DZIP1: variants seen among roughly 807,000 people sequenced by gnomAD.
DZIP1 encodes the protein cilium assembly protein DZIP1.
A neutral mutation model predicts 107.6 loss-of-function variants in DZIP1; 97 were observed. That is an observed-to-expected ratio of 0.90 (90% CI 0.77 to 1.07). The LOEUF is 1.07. Among genes scored for constraint, DZIP1 ranks in the 50% least tolerant of loss-of-function variants. The pLI is 0.00. For synonymous variants in DZIP1, 390 were observed against 386.4 expected (o/e 1.01, Z -0.11); for missense variants, 1,035 against 1,063.6 (o/e 0.97, Z 0.37).
Position 95,586,155 on chromosome 13 carries a change from T to C in DZIP1, c.2219-19A>G. ...GCGACTCCTATAAGATCAATAAAAA[T>C]TAGGCAAGTTAAGTATTTAAAAATT... is the stretch of plus-strand genomic sequence containing the variant. On this transcript the variant is annotated intron_variant, in intron 20 of 22. Coordinates refer to ENST00000376829, the MANE Select transcript of DZIP1 (RefSeq NM_198968.4). 6.4e-7 allele frequency: 1 copy of C among 1,571,212 alleles called. No homozygotes were observed. The highest frequency in any genetic ancestry group is 1.2e-5 in the South Asian group (1 of 83,354).
intron 5 of DZIP1, among the ~76,000 whole-genome samples, chr13:95,639,695 T>C (rs1878260277): frequency 6.6e-6 from 1 of 151,196 alleles, no homozygotes; most frequent in African/African-American, 2.4e-5. Flanking sequence ...AAAAAGTTTA[T>C]AAACATACAA....
At chr13:95,605,621 T>C (rs1420177133) in intron 14 of DZIP1, among the ~76,000 whole-genome samples, 1 of 152,212 alleles carries the variant, frequency 6.6e-6, no homozygotes, top group Non-Finnish European at 1.5e-5. Context: ...CATTGAAAGT[T>C]ATAAAAACAA....
intron 11 of DZIP1, 44 bp downstream of exon 11, chr13:95,611,993 G>T: frequency 6.2e-7 from 1 of 1,601,042 alleles, no homozygotes; most frequent in Non-Finnish European, 8.5e-7. Context: ...TAGATAGACT[G>T]CGTTGCTTAA....
At chr13:95,584,361 C>T (rs893203109) in intron 22 of DZIP1, among the ~76,000 whole-genome samples, 1 of 151,462 alleles carries the variant, frequency 6.6e-6, no homozygotes, top group African/African-American at 2.4e-5. Context: ...TCTGGGAGGC[C>T]GAAGTGGGAG....
chr13:95,612,069 G>A lies in DZIP1; in HGVS notation c.1282C>T (p.Gln428Ter). The A allele has an allele frequency of 6.2e-7, 1 of 1,613,720 alleles. No individual in the cohort carries two copies. Among genetic ancestry groups the A allele is most frequent in the East Asian group, 2.2e-5 (1 of 44,882 alleles). Residue 428 changes from glutamine to a stop codon, truncating the protein, a stop_gained, in exon 11 of 23, where the codon CAG becomes TAG. Transcript: ENST00000376829. LOFTEE classifies it high-confidence loss of function. ...CTCTGAGTTATAATCAGCTCATTCT[G>A]CTCCTGGAGTCTCTGCCCTAGCTCT... Reference protein sequence around the residue: ...IEELGQRLQEQNELIITQRQQ... With the variant: ...IEELGQRLQE
intron 8 of DZIP1, 38 bp downstream of exon 8, chr13:95,624,730 C>T (rs374298746): frequency 5.2e-6 from 8 of 1,552,628 alleles, no homozygotes; most frequent in African/African-American, 4.1e-5. Context: ...CCTCTCAAGG[C>T]AATCAATACC....
In DZIP1 at chr13:95,582,045, A is replaced by G. The variant is rs2044021464; in HGVS notation, c.*189T>C. On this transcript the variant is annotated 3_prime_UTR_variant, in exon 23 of 23. Coordinates refer to ENST00000376829, the MANE Select transcript of DZIP1 (RefSeq NM_198968.4). ...TAAACACCTTTACATGCTTCGAAAT[A>G]CTGTTGATGATCTGATTTTCAATAC... The G allele has an allele frequency of 1.8e-6, 1 of 545,652 alleles. No individual in the cohort carries two copies. The highest frequency in any genetic ancestry group is 3.2e-6 in the Non-Finnish European group (1 of 308,438). The allele number at this position is 545,652 out of a possible 1,614,324, so 33.8% of individuals were successfully genotyped here. A position where few individuals can be genotyped will look rare whatever the true frequency, so the allele number is the denominator to read the frequency against.
At position 95,586,047 on chromosome 13, in the gene DZIP1, G is replaced by A. The variant is rs767706909; in HGVS notation, c.2308C>T (p.Pro770Ser). 39 of 1,607,824 alleles carry A rather than the reference G, an allele frequency of 2.4e-5. No homozygotes were observed. The Admixed American group carries it at 6.6e-4, about 27-fold the overall frequency. ...TCTTCTTTTTTGATAAACATCTCAG[G>A]GACATTAGTTCCACCGACTGGTTTG... is the stretch of plus-strand genomic sequence containing the variant. ...VNKPVGGTNV[P>S]EMFIKKEELQ... The change falls in exon 21 of 23, where the codon CCT becomes TCT. Residue 770 changes from proline (P) to serine (S), a missense_variant. Physicochemically the swap from Pro to Ser is moderately conservative, Grantham distance 74. Transcript: ENST00000376829.
chr13:95,592,824 T>C (rs931573411), intron 16 of DZIP1, among the ~76,000 whole-genome samples: 1 of 152,156 alleles, frequency 6.6e-6, no homozygotes, highest in Non-Finnish European at 1.5e-5. Flanking sequence ...AAACAACAGG[T>C]ATGAATCATA....
In DZIP1 at chr13:95,641,226, G is replaced by T; in HGVS notation, c.597+69C>A. ...TTAAGAAGAAAGAGTGGTGATACGG[G>T]ACAGGCCTATCAAATGGGAACTGAG... On this transcript the variant is annotated intron_variant, in intron 5 of 22. Coordinates refer to ENST00000376829, the MANE Select transcript of DZIP1 (RefSeq NM_198968.4). The surrounding 1 kb of genome is among the most constrained non-coding windows in gnomAD (Gnocchi z 4.3). The T allele has an allele frequency of 6.6e-7, 1 of 1,511,924 alleles. No homozygotes were observed. The highest frequency in any genetic ancestry group is 1.3e-5 in the South Asian group (1 of 75,424). 93.7% of individuals were successfully genotyped at this position (1,511,924 alleles called of 1,614,324 possible). A position where few individuals can be genotyped will look rare whatever the true frequency, so the allele number is the denominator to read the frequency against.
chr13:95,599,729 C>A (rs887609028), intron 14 of DZIP1, among the ~76,000 whole-genome samples: 1 of 152,198 alleles, frequency 6.6e-6, no homozygotes, highest in Non-Finnish European at 1.5e-5. Context: ...AAGGGCACAA[C>A]TGCAAAAGAT....
intron 7 of DZIP1, 40 bp downstream of exon 7, chr13:95,629,949 G>C (rs892436205): frequency 5.1e-6 from 8 of 1,559,566 alleles, no homozygotes; most frequent in Non-Finnish European, 6.9e-6. Context: ...ATTACATACA[G>C]TTAATTGTAA....
chr13:95,602,749 G>A (rs1034065331), intron 14 of DZIP1, among the ~76,000 whole-genome samples: 1 of 152,192 alleles, frequency 6.6e-6, no homozygotes, highest in Non-Finnish European at 1.5e-5. Context: ...ACCTGACAGG[G>A]ATCAGGCCCA....
chr13:95,633,954 T>A (rs1435500634), intron 5 of DZIP1, among the ~76,000 whole-genome samples: 1 of 152,052 alleles, frequency 6.6e-6, no homozygotes, highest in East Asian at 1.9e-4. Flanking sequence ...TAAATAAAAA[T>A]AAAACCAGGG....
At chr13:95,619,844 A>T (rs1875597565) in intron 10 of DZIP1, 41 bp downstream of exon 10, 2 of 1,582,700 alleles carry the variant, frequency 1.3e-6, no homozygotes, top group African/African-American at 2.7e-5. Context: ...ATATTTCTTT[A>T]AAAAATGGCC....
Position 95,591,022 on chromosome 13 carries a change from C to CTT in DZIP1, c.1681-583_1681-582dup, listed in dbSNP as rs755824494. Among the ~76,000 whole-genome samples the CTT allele has an allele frequency of 8.8e-3, 1,117 of 127,432 alleles. 16 individuals carry two copies. Among genetic ancestry groups the CTT allele is most frequent in the African/African-American group, 0.03 (1,043 of 34,898 alleles). The allele number at this position is 127,432 out of a possible 152,430, so 83.6% of individuals were successfully genotyped here. A position where few individuals can be genotyped will look rare whatever the true frequency, so the allele number is the denominator to read the frequency against. The stretch of plus-strand genomic sequence containing the variant: ...GTCATCAGAGCATCAGAGGTGACTT[C>CTT]TTTTTTTTTTTTTTTTTTTTTCCTG... On this transcript the variant is annotated intron_variant, in intron 16 of 22. Transcript: ENST00000376829.
intron 22 of DZIP1, among the ~76,000 whole-genome samples, chr13:95,583,509 A>C (rs1437696507): frequency 2.0e-5 from 3 of 152,178 alleles, no homozygotes; most frequent in African/African-American, 7.2e-5. Flanking sequence ...TCAGCTTTCA[A>C]CATGTGCAAG....
At chr13:95,638,636 A>AACACACACACAC (rs3051404) in intron 5 of DZIP1, among the ~76,000 whole-genome samples, 8 of 149,778 alleles carry the variant, frequency 5.3e-5, no homozygotes, top group African/African-American at 2.0e-4. Flanking sequence ...CCTTATACAC[A>AACACACACACAC]ACACACACAC....
At position 95,589,161 on chromosome 13, in the gene DZIP1, T is replaced by C. The variant is rs201354027; in HGVS notation, c.2020A>G (p.Thr674Ala). The C allele has an allele frequency of 3.1e-6, 5 of 1,607,186 alleles. No individual in the cohort carries two copies. Among genetic ancestry groups the C allele is most frequent in the Admixed American group, 1.7e-5 (1 of 58,660 alleles). Residue 674 changes from threonine (T) to alanine (A), a missense_variant, in exon 19 of 23, where the codon ACT (threonine) becomes GCT (alanine). Coordinates refer to ENST00000376829, the MANE Select transcript of DZIP1 (RefSeq NM_198968.4). ...MEDPFPRKSS[T>A]ITTPPFSSEE... ...ATCCCTGTCAATACTCACGTAATAG[T>C]TGAAGACTTTCTGGGAAAAGGATCT...
Sources: allele counts gnomAD v4.1 joint callset (sites outside exome capture counted in the v4.1 genomes callset), GRCh38; gene constraint gnomAD v4.1.1; non-coding constraint Gnocchi (gnomAD v3.1); transcripts MANE v1.5; gene names NCBI Gene and HGNC (gene_info 2026-07-23, HGNC 2026-07-21).